INSL6: variants seen among roughly 807,000 people sequenced by gnomAD.
INSL6 encodes insulin-like peptide INSL6.
A neutral mutation model predicts 9.4 loss-of-function variants in INSL6; 16 were observed. The observed-to-expected ratio is 1.70, with a 90% confidence interval of 1.15 to 2.59. INSL6 has a LOEUF of 2.59. INSL6 is among the 30% of genes most tolerant of loss of function. The pLI is 0.00. For missense variants in INSL6, 391 were observed against 257.3 expected, an observed-to-expected ratio of 1.52 and a Z score of -3.56; for synonymous variants, 154 against 96.9, an observed-to-expected ratio of 1.59 and a Z score of -3.46.
the INSL6 span, chr9:5,094,962 G>A: frequency 2.6e-5 from 4 of 151,918 alleles, no homozygotes; most frequent in African/African-American, 9.7e-5. Flanking sequence ...ACTTACATTA[G>A]CATTCTGCAT....
At chr9:5,049,597 G>A in the INSL6 span, among the ~76,000 whole-genome samples, 1 of 152,164 alleles carries the variant, frequency 6.6e-6, no homozygotes, top group African/African-American at 2.4e-5. Flanking sequence ...CCTATATCAT[G>A]TCTGGTGTTA....
chr9:5,041,867 C>T, the INSL6 span: 34 of 457,480 alleles, frequency 7.4e-5, no homozygotes, highest in South Asian at 4.8e-4. Context: ...ACCCCATGGC[C>T]GGCCACTCCA....
chr9:5,112,391 GC>G, the INSL6 span: 1 of 435,802 alleles, frequency 2.3e-6, no homozygotes, highest in Non-Finnish European at 4.3e-6. Flanking sequence ...GGGAAATCAA[GC>G]GGGAGGAGGA....
chr9:5,163,955 C>T lies in INSL6; in HGVS notation c.600G>A (p.Arg200=), dbSNP rs1382598623. 1.2e-6 allele frequency: 2 copies of T among 1,608,616 alleles called. No homozygotes were observed. Among genetic ancestry groups the T allele is most frequent in the Non-Finnish European group, 1.7e-6 (2 of 1,179,126 alleles). Reference sequence around the variant, plus strand: ...CAAGTGATGATCTTTTTTCCTTTAGCCTTTTAAAATCAATATATGGAAGAC... The same window carrying T: ...CAAGTGATGATCTTTTTTCCTTTAGTCTTTTAAAATCAATATATGGAAGAC... ...IACLPYIDFK[R]LKEKRSSLVT... Residue 200 remains arginine, a synonymous_variant, in exon 2 of 2, where the codon AGG becomes AGA. Transcript: ENST00000381641.
chr9:4,997,295 G>A, the INSL6 span, among the ~76,000 whole-genome samples: 1 of 152,156 alleles, frequency 6.6e-6, no homozygotes, highest in East Asian at 1.9e-4. Flanking sequence ...ATAAAGAAAA[G>A]AGATTTAATT....
chr9:5,101,220 G>A, the INSL6 span, among the ~76,000 whole-genome samples: 4 of 152,252 alleles, frequency 2.6e-5, 1 homozygote, highest in Admixed American at 1.3e-4. Flanking sequence ...TGGCACACCA[G>A]GAGATTATAT....
intron 1 of INSL6, among the ~76,000 whole-genome samples, chr9:5,174,485 A>G (rs1825254090): frequency 6.6e-6 from 1 of 152,116 alleles, no homozygotes; most frequent in Non-Finnish European, 1.5e-5. Context: ...GGTTTCCACG[A>G]TATCACACTC....
At chr9:5,090,889 C>T in the INSL6 span, 11 of 1,604,914 alleles carry the variant, frequency 6.9e-6, no homozygotes, top group Non-Finnish European at 9.3e-6. Context: ...AGTAAAAGAA[C>T]CTGGTGAAAG....
At chr9:5,086,874 G>A in the INSL6 span, among the ~76,000 whole-genome samples, 1 of 152,068 alleles carries the variant, frequency 6.6e-6, no homozygotes, top group Non-Finnish European at 1.5e-5. Context: ...TATCAAGCGC[G>A]TTTAAATGTT....
the INSL6 span, among the ~76,000 whole-genome samples, chr9:5,075,771 A>T: frequency 6.6e-6 from 1 of 152,168 alleles, no homozygotes; most frequent in Non-Finnish European, 1.5e-5. Flanking sequence ...TCAACTTTCA[A>T]GTCTTATTAT....
At chr9:5,085,484 C>T in the INSL6 span, 1 of 723,822 alleles carries the variant, frequency 1.4e-6, no homozygotes, top group Non-Finnish European at 2.6e-6. Flanking sequence ...CTCTCATGCT[C>T]ATTTTCTTTT....
At chr9:5,053,870 G>A in the INSL6 span, among the ~76,000 whole-genome samples, 1 of 152,000 alleles carries the variant, frequency 6.6e-6, no homozygotes, top group African/African-American at 2.4e-5. Flanking sequence ...CTAGATAGGA[G>A]ATGGATGATT....
chr9:5,118,857 G>A, the INSL6 span, among the ~76,000 whole-genome samples: 1 of 152,104 alleles, frequency 6.6e-6, no homozygotes, highest in Non-Finnish European at 1.5e-5. Context: ...TAAAAGCAGA[G>A]AATTAAAACC....
the INSL6 span, among the ~76,000 whole-genome samples, chr9:5,025,904 CATCT>C: frequency 1.0e-3 from 156 of 152,174 alleles, no homozygotes; most frequent in Non-Finnish European, 8.4e-4. Context: ...AAAAATTGTC[CATCT>C]GTCTATATTT....
chr9:5,015,427 G>A, the INSL6 span, among the ~76,000 whole-genome samples: 1 of 152,182 alleles, frequency 6.6e-6, no homozygotes, highest in African/African-American at 2.4e-5. Flanking sequence ...GTTGACATAT[G>A]CACAAATGGT....
At chr9:5,154,749 G>C (rs1201158989) in intron 2 of INSL6, among the ~76,000 whole-genome samples, 2 of 152,222 alleles carry the variant, frequency 1.3e-5, no homozygotes, top group Non-Finnish European at 2.9e-5. Flanking sequence ...GGCCATCAGA[G>C]AAATGCAAAT....
downstream of INSL6, among the ~76,000 whole-genome samples, chr9:5,119,537 C>A (rs1823458107): frequency 1.3e-5 from 2 of 151,928 alleles, no homozygotes; most frequent in Non-Finnish European, 2.9e-5. Flanking sequence ...ATATATATAT[C>A]TGGCATAATT....
chr9:5,123,226 G>A, downstream of INSL6: 1 of 659,978 alleles, frequency 1.5e-6, no homozygotes, highest in South Asian at 2.1e-5. Flanking sequence ...ATTGCATAGT[G>A]GTGAAGTCAG....
chr9:4,992,020 G>C, the INSL6 span, among the ~76,000 whole-genome samples: 1 of 152,242 alleles, frequency 6.6e-6, no homozygotes, highest in South Asian at 2.1e-4. Context: ...CAGATACCAT[G>C]GGTCAGTAAT....
Sources: gnomAD v4.1 joint callset for allele counts (sites outside exome capture counted in the v4.1 genomes callset) on GRCh38, gnomAD v4.1.1 for gene constraint, MANE v1.5 for transcripts, NCBI Gene and HGNC (gene_info 2026-07-23, HGNC 2026-07-21) for gene names.